The following YES1 variants were observed in gnomAD, a reference collection of about 807,000 sequenced individuals.
The protein encoded by YES1 is YES proto-oncogene 1, Src family tyrosine kinase.
Under a neutral mutation model 70.4 loss-of-function variants are expected in YES1, and 39 were observed. The observed-to-expected ratio is 0.55, with a 90% confidence interval of 0.43 to 0.72. YES1 has a LOEUF of 0.72. Ranked by LOEUF, YES1 falls within the 30% of genes least tolerant of loss-of-function variation. The pLI, the probability that YES1 is intolerant of heterozygous loss-of-function variation, is 0.00. For missense variants in YES1, 495 were observed against 644.8 expected, an observed-to-expected ratio of 0.77 and a Z score of 2.52; for synonymous variants, 198 against 218.6, an observed-to-expected ratio of 0.91 and a Z score of 0.83.
intron 1 of YES1, among the ~76,000 whole-genome samples, chr18:773,982 C>T (rs150045584): frequency 2.0e-5 from 3 of 152,246 alleles, no homozygotes; most frequent in African/African-American, 7.2e-5. Flanking sequence ...CATGCGCCCA[C>T]CATCTTGCCC....
chr18:744,610 A>T (rs2080256351), intron 6 of YES1, among the ~76,000 whole-genome samples: 1 of 150,092 alleles, frequency 6.7e-6, no homozygotes, highest in African/African-American at 2.5e-5. Flanking sequence ...GGCTGGTCTC[A>T]AACTCCTGAC....
intron 6 of YES1, among the ~76,000 whole-genome samples, chr18:745,440 A>G (rs899776168): frequency 6.6e-6 from 1 of 152,196 alleles, no homozygotes; most frequent in African/African-American, 2.4e-5. Flanking sequence ...TTCATAAGGT[A>G]CATGTGGTGA....
At chr18:804,326 G>A (rs568231944) in intron 1 of YES1, among the ~76,000 whole-genome samples, 13 of 152,240 alleles carry the variant, frequency 8.5e-5, no homozygotes, top group African/African-American at 3.1e-4. Flanking sequence ...AAAAAATCTG[G>A]GCTAGGCACA....
rs1411672586 is a variant in YES1, at chr18:745,814, A to G, written c.618T>C (p.Gly206=). 2.5e-6 allele frequency: 4 copies of G among 1,612,808 alleles called. No individual in the cohort carries two copies. In the East Asian group the frequency reaches 8.9e-5, roughly 36 times the overall value. The change falls in exon 6 of 12, where the codon GGT becomes GGC. Residue 206 remains glycine, a synonymous_variant. Coordinates refer to ENST00000314574, the MANE Select transcript of YES1 (RefSeq NM_005433.4). ...LSIRDWDEIR[G]DNVKHYKIRK... is the part of the protein sequence containing the mutation. ...TAATTTTGTAGTGTTTCACATTGTCACCCCTTATCTCATCCCAATCACGAA... is the reference window on the plus strand; with the variant it reads ...TAATTTTGTAGTGTTTCACATTGTCGCCCCTTATCTCATCCCAATCACGAA...
chr18:790,655 CA>C (rs1202263668), intron 1 of YES1, among the ~76,000 whole-genome samples: 2 of 151,920 alleles, frequency 1.3e-5, no homozygotes, highest in Non-Finnish European at 2.9e-5. Flanking sequence ...TAACTCCTGC[CA>C]ATAAAGTTTT....
chr18:783,384 AG>A (rs1905773758), intron 1 of YES1, among the ~76,000 whole-genome samples: 1 of 134,324 alleles, frequency 7.4e-6, no homozygotes, highest in South Asian at 2.4e-4. Context: ...TTGGTTATGT[AG>A]GGGAAACACA....
intron 1 of YES1, among the ~76,000 whole-genome samples, chr18:803,656 C>A (rs1403090349): frequency 2.6e-5 from 4 of 152,186 alleles, no homozygotes; most frequent in Non-Finnish European, 4.4e-5. Context: ...TTGGGAGAAT[C>A]TGAGTCTCCT....
chr18:733,553 G>A (rs1423390517), intron 10 of YES1, among the ~76,000 whole-genome samples: 1 of 151,914 alleles, frequency 6.6e-6, no homozygotes, highest in Non-Finnish European at 1.5e-5. Flanking sequence ...GGAGGCCGAG[G>A]TGAGTGGATC....
chr18:807,795 C>T, intron 1 of YES1, among the ~76,000 whole-genome samples: 1 of 152,184 alleles, frequency 6.6e-6, no homozygotes. Flanking sequence ...TCTTGAAGGC[C>T]TTCCACTTCC....
chr18:784,923 T>C (rs1905858508), intron 1 of YES1, among the ~76,000 whole-genome samples: 1 of 152,200 alleles, frequency 6.6e-6, no homozygotes, highest in African/African-American at 2.4e-5. Context: ...TCACAGAACA[T>C]GGACATCTCT....
intron 1 of YES1, among the ~76,000 whole-genome samples, chr18:766,764 T>C (rs1240338732): frequency 6.6e-6 from 1 of 152,146 alleles, no homozygotes; most frequent in East Asian, 1.9e-4. Flanking sequence ...AAAGTGTCTG[T>C]TCAAATCAAA....
At chr18:774,078 G>A (rs893248576) in intron 1 of YES1, among the ~76,000 whole-genome samples, 2 of 152,074 alleles carry the variant, frequency 1.3e-5, no homozygotes, top group Admixed American at 6.5e-5. Context: ...TGATCCACCC[G>A]CCTTGGCCTC....
Position 724,412 on chromosome 18 carries a change from A to G in YES1, c.*12T>C. On this transcript the variant is annotated 3_prime_UTR_variant, in exon 12 of 12. Coordinates refer to ENST00000314574, the MANE Select transcript of YES1 (RefSeq NM_005433.4). Reference sequence around the variant, plus strand: ...TTTGGCAGATTTGTGCATATAAAATAGGCTACTTGAATTATAAATTTTCTC... The same window carrying G: ...TTTGGCAGATTTGTGCATATAAAATGGGCTACTTGAATTATAAATTTTCTC... The G allele has an allele frequency of 6.2e-7, 1 of 1,610,710 alleles. No individual in the cohort carries two copies.
intron 1 of YES1, among the ~76,000 whole-genome samples, chr18:757,302 G>A (rs567988979): frequency 8.5e-4 from 129 of 151,742 alleles, no homozygotes; most frequent in African/African-American, 3.0e-3. Flanking sequence ...AGGAGATTGA[G>A]ACCATCCTGG....
intron 2 of YES1, among the ~76,000 whole-genome samples, chr18:754,604 G>A (rs1322658700): frequency 6.6e-6 from 1 of 151,766 alleles, no homozygotes; most frequent in African/African-American, 2.4e-5. Context: ...TCAGCTACTC[G>A]GGAGGCTAAG....
At chr18:811,822 AGG>A (rs1383756114) in intron 1 of YES1, among the ~76,000 whole-genome samples, 1 of 152,092 alleles carries the variant, frequency 6.6e-6, no homozygotes, top group African/African-American at 2.4e-5. Flanking sequence ...CCCAAAGACA[AGG>A]GGTGGGGAGT....
intron 6 of YES1, among the ~76,000 whole-genome samples, chr18:744,197 G>A (rs1251299106): frequency 1.3e-5 from 2 of 151,740 alleles, no homozygotes; most frequent in South Asian, 2.1e-4. Context: ...CTAAGGCCCT[G>A]CAGTTAGTAA....
intron 11 of YES1, among the ~76,000 whole-genome samples, chr18:730,950 A>G (rs547120793): frequency 5.1e-4 from 40 of 78,026 alleles, no homozygotes; most frequent in African/African-American, 2.2e-3. Flanking sequence ...AAATCAGAGA[A>G]GGGTGAAATC....
At chr18:776,205 T>TG (rs1372696208) in intron 1 of YES1, among the ~76,000 whole-genome samples, 2 of 151,938 alleles carry the variant, frequency 1.3e-5, no homozygotes, top group African/African-American at 4.8e-5. Context: ...GATCTTTTTT[T>TG]TTTTTTGAGA....
Sources: gnomAD v4.1 joint callset for allele counts (sites outside exome capture counted in the v4.1 genomes callset) on GRCh38, gnomAD v4.1.1 for gene constraint, MANE v1.5 for transcripts, NCBI Gene and HGNC (gene_info 2026-07-23, HGNC 2026-07-21) for gene names.